PXDNL: variants seen among roughly 807,000 people sequenced by gnomAD.
The protein encoded by PXDNL is probable oxidoreductase PXDNL.
In PXDNL, 145 loss-of-function variants were observed where a neutral mutation model predicts 150.8. The ratio of observed to expected loss-of-function variants is 0.96; its 90% CI spans 0.84 to 1.10. The LOEUF is 1.10. Among genes scored for constraint, PXDNL ranks in the 50% least tolerant of loss-of-function variants. PXDNL has a pLI of 0.00. For missense variants in PXDNL, 2,087 were observed against 1,873.9 expected (o/e 1.11, Z -2.10); for synonymous variants, 757 against 725.7 (o/e 1.04, Z -0.69).
At chr8:51,465,361 T>TAA (rs760493571) in intron 8 of PXDNL, among the ~76,000 whole-genome samples, 1 of 147,622 alleles carries the variant, frequency 6.8e-6, no homozygotes, top group Non-Finnish European at 1.5e-5. Flanking sequence ...TCCTTCATGA[T>TAA]AAAAAAAAAA....
chr8:51,550,586 T>C (rs573590083), intron 4 of PXDNL, among the ~76,000 whole-genome samples: 1 of 152,238 alleles, frequency 6.6e-6, no homozygotes, highest in Non-Finnish European at 1.5e-5. Context: ...AAAAATCGTA[T>C]TATTATCTCA....
At chr8:51,739,396 A>G (rs2036879315) in intron 1 of PXDNL, among the ~76,000 whole-genome samples, 2 of 152,184 alleles carry the variant, frequency 1.3e-5, no homozygotes, top group African/African-American at 2.4e-5. Flanking sequence ...CATGATAAGT[A>G]TCAGAAGTTC....
chr8:51,745,833 G>A lies in PXDNL; in HGVS notation c.164+63348C>T, dbSNP rs1245444781. On this transcript the variant is annotated intron_variant, in intron 1 of 22. Coordinates refer to ENST00000356297, the MANE Select transcript of PXDNL (RefSeq NM_144651.5). ...TGGTGAGACTGGAGTGCAGTGGTGCGACCTCAGCTCACTACAACCTCTGCC... is the reference window on the plus strand; with the variant it reads ...TGGTGAGACTGGAGTGCAGTGGTGCAACCTCAGCTCACTACAACCTCTGCC... 3.3e-5 allele frequency among the ~76,000 whole-genome samples: 5 copies of A among 151,122 alleles called. No homozygotes were observed. In the Middle Eastern group the frequency reaches 0.014, roughly 420 times the overall value.
At chr8:51,796,833 A>C (rs1422095567) in intron 1 of PXDNL, among the ~76,000 whole-genome samples, 1 of 152,216 alleles carries the variant, frequency 6.6e-6, no homozygotes, top group African/African-American at 2.4e-5. Context: ...ATGAAGCCAG[A>C]ATCATCCTGA....
At chr8:51,449,439 A>G (rs1809754737) in intron 10 of PXDNL, among the ~76,000 whole-genome samples, 1 of 152,246 alleles carries the variant, frequency 6.6e-6, no homozygotes, top group Non-Finnish European at 1.5e-5. Context: ...ACATATTTAA[A>G]GCTACAAATT....
rs561784752 is a variant in PXDNL, at chr8:51,437,537, T to C, written c.1525+9467A>G. ...AGGGATGCACAGATGGTTTAACATATGCAAATCAATAAGTGTGATACACCA... is the reference window on the plus strand; with the variant it reads ...AGGGATGCACAGATGGTTTAACATACGCAAATCAATAAGTGTGATACACCA... On this transcript the variant is annotated intron_variant, in intron 12 of 22. Coordinates refer to ENST00000356297, the MANE Select transcript of PXDNL (RefSeq NM_144651.5). Among the ~76,000 whole-genome samples the C allele has an allele frequency of 2.6e-5, 4 of 152,244 alleles. No individual in the cohort carries two copies. In the South Asian group the frequency reaches 8.3e-4, roughly 32 times the overall value.
intron 19 of PXDNL, among the ~76,000 whole-genome samples, chr8:51,369,585 A>C (rs371007168): frequency 6.6e-6 from 1 of 152,084 alleles, no homozygotes; most frequent in Admixed American, 6.6e-5. Flanking sequence ...TTGGAACTAC[A>C]TCAGGCATAT....
At chr8:51,443,997 C>T (rs563117478) in intron 12 of PXDNL, among the ~76,000 whole-genome samples, 4 of 152,236 alleles carry the variant, frequency 2.6e-5, no homozygotes, top group African/African-American at 9.6e-5. Context: ...CATCATTTAA[C>T]TTTACTTATC....
chr8:51,565,321 A>AATAAATAGATAGATAGATAGATAGATAG (rs569762504), intron 3 of PXDNL, among the ~76,000 whole-genome samples: 1 of 135,532 alleles, frequency 7.4e-6, no homozygotes, highest in Admixed American at 7.2e-5. Context: ...TAAATAAATA[A>AATAAATAGATAGATAGATAGATAGATAG]ATAGATAGAT....
chr8:51,475,012 C>T lies in PXDNL; in HGVS notation c.654G>A (p.Gly218=), dbSNP rs1166579293. ...CTACTGTTACTGAAGCAACTGCACGCCCATGGAGTCTCCTGGGATATTCGC... is the reference window on the plus strand; with the variant it reads ...CTACTGTTACTGAAGCAACTGCACGTCCATGGAGTCTCCTGGGATATTCGC... ...ATCEYPRRLH[G]RAVASVTVEE... is the part of the protein sequence containing the mutation. The change falls in exon 7 of 23, where the codon GGG becomes GGA. Residue 218 remains glycine, a synonymous_variant. Coordinates refer to ENST00000356297, the MANE Select transcript of PXDNL (RefSeq NM_144651.5). 6.2e-7 allele frequency: 1 copy of T among 1,609,966 alleles called. No homozygotes were observed. Among genetic ancestry groups the T allele is most frequent in the African/African-American group, 1.3e-5 (1 of 74,978 alleles).
chr8:51,447,826 A>C (rs1482697790), intron 11 of PXDNL, among the ~76,000 whole-genome samples: 1 of 152,208 alleles, frequency 6.6e-6, no homozygotes, highest in Non-Finnish European at 1.5e-5. Context: ...TTGAGCGTAC[A>C]CACACTGTGC....
At chr8:51,519,185 A>C (rs1436309465) in intron 4 of PXDNL, among the ~76,000 whole-genome samples, 1 of 152,222 alleles carries the variant, frequency 6.6e-6, no homozygotes, top group African/African-American at 2.4e-5. Flanking sequence ...ATAAAAATCT[A>C]GATTGGATAT....
chr8:51,446,531 C>T (rs1006703144), intron 12 of PXDNL, among the ~76,000 whole-genome samples: 4 of 152,042 alleles, frequency 2.6e-5, no homozygotes, highest in African/African-American at 9.7e-5. Flanking sequence ...GGATGAATAA[C>T]ACAATCTCAT....
chr8:51,554,812 T>A (rs545408358), intron 4 of PXDNL, among the ~76,000 whole-genome samples: 2 of 152,264 alleles, frequency 1.3e-5, no homozygotes, highest in African/African-American at 2.4e-5. Context: ...AGCTTTCTGA[T>A]CATAGCTACT....
At chr8:51,562,467 T>C (rs1265840181) in intron 3 of PXDNL, among the ~76,000 whole-genome samples, 1 of 152,008 alleles carries the variant, frequency 6.6e-6, no homozygotes, top group Non-Finnish European at 1.5e-5. Context: ...TTTATTTCCT[T>C]TTAAGTCTCA....
intron 2 of PXDNL, among the ~76,000 whole-genome samples, chr8:51,609,226 T>TA (rs530845255): frequency 4.1e-4 from 62 of 152,224 alleles, no homozygotes; most frequent in Admixed American, 2.5e-3. Flanking sequence ...TTCCCATCTG[T>TA]AAAAAAGAAA....
At chr8:51,574,003 C>A (rs1812998489) in intron 3 of PXDNL, among the ~76,000 whole-genome samples, 1 of 151,850 alleles carries the variant, frequency 6.6e-6, no homozygotes, top group Non-Finnish European at 1.5e-5. Flanking sequence ...TTAGAAGAGA[C>A]CAAAATTACA....
chr8:51,438,001 G>GTAT (rs1809447357), intron 12 of PXDNL, among the ~76,000 whole-genome samples: 2 of 152,096 alleles, frequency 1.3e-5, no homozygotes, highest in African/African-American at 4.8e-5. Flanking sequence ...AGTAGCACTG[G>GTAT]TATATACAGG....
chr8:51,474,646 G>A (rs1252192351), intron 7 of PXDNL, among the ~76,000 whole-genome samples: 2 of 152,134 alleles, frequency 1.3e-5, no homozygotes, highest in Non-Finnish European at 2.9e-5. Context: ...GTCATACCAA[G>A]GAATAAGTGG....
Sources: gnomAD v4.1 joint callset for allele counts (sites outside exome capture counted in the v4.1 genomes callset) on GRCh38, gnomAD v4.1.1 for gene constraint, MANE v1.5 for transcripts, NCBI Gene and HGNC (gene_info 2026-07-23, HGNC 2026-07-21) for gene names.